Variants in PPP5C observed in about 807,000 individuals in gnomAD.
The protein encoded by PPP5C is serine/threonine-protein phosphatase 5.
In PPP5C, 21 loss-of-function variants were observed where a neutral mutation model predicts 66.7. That is an observed-to-expected ratio of 0.31 (90% CI 0.22 to 0.45). The LOEUF (loss-of-function observed/expected upper bound fraction) is 0.45. PPP5C is among the 20% of genes least tolerant of loss of function. PPP5C has a pLI of 1.00. For synonymous variants in PPP5C, 246 were observed against 257.4 expected, an observed-to-expected ratio of 0.96 and a Z score of 0.43; for missense variants, 464 against 675.9, an observed-to-expected ratio of 0.69 and a Z score of 3.48.
rs111227373 is a variant in PPP5C at position 46,352,488 on chromosome 19, G to T, written c.122-1260G>T. On this transcript the variant is annotated intron_variant, in intron 1 of 12. Transcript: ENST00000012443. ...CCCAGAGGTCACCATGGCATGGGGC[G>T]TGAGAGTGGGAGCCTTTTGGTCTTG... Among the ~76,000 whole-genome samples, 15 of 152,284 alleles carry T rather than the reference G, an allele frequency of 9.9e-5. 1 individual carries two copies. Among genetic ancestry groups the T allele is most frequent in the African/African-American group, 3.6e-4 (15 of 41,550 alleles).
chr19:46,363,622 G>T (rs1463979102), intron 2 of PPP5C, among the ~76,000 whole-genome samples: 1 of 151,708 alleles, frequency 6.6e-6, no homozygotes, highest in Non-Finnish European at 1.5e-5. Flanking sequence ...GTAGAGATGG[G>T]GTTTCACCAT....
intron 2 of PPP5C, among the ~76,000 whole-genome samples, chr19:46,375,077 T>C (rs573904355): frequency 4.6e-5 from 7 of 152,316 alleles, no homozygotes; most frequent in Non-Finnish European, 8.8e-5. Flanking sequence ...GTGTTACTTA[T>C]TCCTTCCCAC....
chr19:46,354,020 C>A, intron 2 of PPP5C, 31 bp downstream of exon 2: 1 of 1,606,006 alleles, frequency 6.2e-7, no homozygotes, highest in South Asian at 1.1e-5. Context: ...GGCCTGGCAC[C>A]TGAGCCAGGC....
intron 2 of PPP5C, among the ~76,000 whole-genome samples, chr19:46,365,075 T>G (rs1972467702): frequency 6.6e-6 from 1 of 152,198 alleles, no homozygotes; most frequent in South Asian, 2.1e-4. Context: ...CTCCGCCTCC[T>G]GGGTTCAAGC....
chr19:46,376,519 A>C lies in PPP5C; in HGVS notation c.578A>C (p.Glu193Ala). The C allele has an allele frequency of 6.2e-7, 1 of 1,613,942 alleles. No individual in the cohort carries two copies. The highest frequency in any genetic ancestry group is 8.5e-7 in the Non-Finnish European group (1 of 1,179,940). The change falls in exon 4 of 13, where the codon GAG (glutamate) becomes GCG (alanine). Residue 193 changes from glutamate to alanine, a missense_variant. By Grantham distance (107) the Glu-to-Ala change is moderately radical. This residue lies in a region of PPP5C where 387 missense variants were observed against 626.0 expected (regional missense o/e 0.62). Coordinates refer to ENST00000012443, the MANE Select transcript of PPP5C (RefSeq NM_006247.4). The surrounding 1 kb of genome is among the most constrained non-coding windows in gnomAD (Gnocchi z 5.1). Reference sequence around the variant, plus strand: ...AAAGTGACAATCAGTTTCATGAAGGAGCTCATGCAGTGGTACAAGGACCAG... The same window carrying C: ...AAAGTGACAATCAGTTTCATGAAGGCGCTCATGCAGTGGTACAAGGACCAG... ...DGKVTISFMK[E>A]LMQWYKDQKK...
intron 2 of PPP5C, among the ~76,000 whole-genome samples, chr19:46,361,199 C>T (rs1477721439): frequency 7.1e-6 from 1 of 141,150 alleles, no homozygotes; most frequent in East Asian, 2.2e-4. Context: ...GTGCAATCTC[C>T]ACTCGCTGCA....
chr19:46,383,351 G>C lies in PPP5C; in HGVS notation c.634-60G>C, dbSNP rs777987521. 8.9e-6 allele frequency: 14 copies of C among 1,581,690 alleles called. No individual in the cohort carries two copies. The highest frequency in any genetic ancestry group is 1.2e-5 in the Non-Finnish European group (14 of 1,164,734). ...CGTCTCATGGGCAGTCCAGGCTTTC[G>C]GGGCCAGGTTGGGCAGCAGCCCCTG... On this transcript the variant is annotated intron_variant, in intron 4 of 12. Transcript: ENST00000012443. The surrounding 1 kb of genome is among the most constrained non-coding windows in gnomAD (Gnocchi z 5.0).
Position 46,383,217 on chromosome 19 carries a change from A to G in PPP5C, c.634-194A>G, listed in dbSNP as rs1360495839. On this transcript the variant is annotated intron_variant, in intron 4 of 12. Coordinates refer to ENST00000012443, the MANE Select transcript of PPP5C (RefSeq NM_006247.4). The surrounding 1 kb of genome is among the most constrained non-coding windows in gnomAD (Gnocchi z 5.0). ...CAATCGCAATGCTTCGGCACTGCAC[A>G]GGCCACAGAAGCCTGCGGCTGCCTC... 6.5e-7 allele frequency: 1 copy of G among 1,534,966 alleles called. No individual in the cohort carries two copies. The highest frequency in any genetic ancestry group is 8.7e-7 in the Non-Finnish European group (1 of 1,143,876).
chr19:46,375,025 G>A (rs1038968087), intron 2 of PPP5C, among the ~76,000 whole-genome samples: 2 of 152,182 alleles, frequency 1.3e-5, no homozygotes, highest in South Asian at 2.1e-4. Context: ...AACAGCACTC[G>A]GTGCTGCTGC....
In PPP5C at chr19:46,383,133, T is replaced by C. The variant is rs1972821782; in HGVS notation, c.634-278T>C. ...GTTCTACGATCTGGATTCATGCATG[T>C]ATTTCCACTTGATGCTGAGTATTTT... On this transcript the variant is annotated intron_variant, in intron 4 of 12. Transcript: ENST00000012443. The surrounding 1 kb of genome is among the most constrained non-coding windows in gnomAD (Gnocchi z 5.0). The C allele has an allele frequency of 7.3e-7, 1 of 1,371,612 alleles. No individual in the cohort carries two copies. Among genetic ancestry groups the C allele is most frequent in the East Asian group, 3.2e-5 (1 of 31,066 alleles). The allele number at this position is 1,371,612 out of a possible 1,614,324, so 85.0% of individuals were successfully genotyped here.
chr19:46,365,724 C>T (rs1047566781), intron 2 of PPP5C, among the ~76,000 whole-genome samples: 4 of 152,216 alleles, frequency 2.6e-5, no homozygotes, highest in African/African-American at 9.6e-5. Flanking sequence ...TCTGCAAAGT[C>T]TCTGGTTGCC....
At chr19:46,379,488 A>G (rs1241765549) in intron 4 of PPP5C, among the ~76,000 whole-genome samples, 3 of 152,226 alleles carry the variant, frequency 2.0e-5, no homozygotes, top group Admixed American at 2.0e-4. Flanking sequence ...ATTCCCAGCC[A>G]ATCTTTACCT....
At position 46,383,562 on chromosome 19, in the gene PPP5C, A is replaced by G; in HGVS notation, c.699+86A>G. The stretch of plus-strand genomic sequence containing the variant: ...GGCCACAGAGCTCAGGAACTCACGG[A>G]TCCACCTCCCTCTCTCCCTCACACC... On this transcript the variant is annotated intron_variant, in intron 5 of 12. Coordinates refer to ENST00000012443, the MANE Select transcript of PPP5C (RefSeq NM_006247.4). The surrounding 1 kb of genome is among the most constrained non-coding windows in gnomAD (Gnocchi z 5.0). The G allele has an allele frequency of 7.4e-7, 1 of 1,354,070 alleles. No individual in the cohort carries two copies. Among genetic ancestry groups the G allele is most frequent in the Non-Finnish European group, 1.0e-6 (1 of 984,904 alleles). The allele number at this position is 1,354,070 out of a possible 1,614,324, so 83.9% of individuals were successfully genotyped here.
chr19:46,368,890 T>G (rs561265966), intron 2 of PPP5C, among the ~76,000 whole-genome samples: 1 of 152,338 alleles, frequency 6.6e-6, no homozygotes, highest in Non-Finnish European at 1.5e-5. Flanking sequence ...AGACATTATT[T>G]TGCTCTTGTT....
At chr19:46,348,810 C>G (rs971306875) in intron 1 of PPP5C, among the ~76,000 whole-genome samples, 1 of 152,034 alleles carries the variant, frequency 6.6e-6, no homozygotes, top group Non-Finnish European at 1.5e-5. Context: ...GGAAAGGTGT[C>G]GGGAAGGCTG....
At chr19:46,363,307 CAAAA>C (rs1158423038) in intron 2 of PPP5C, among the ~76,000 whole-genome samples, 109 of 27,920 alleles carry the variant, frequency 3.9e-3, no homozygotes, top group African/African-American at 0.013. Flanking sequence ...GACTCCATCT[CAAAA>C]AAAAAAAAAA....
intron 4 of PPP5C, chr19:46,382,181 G>A (rs1972803495): frequency 6.6e-6 from 1 of 152,220 alleles, no homozygotes. Flanking sequence ...GCTCCCTGGA[G>A]TCCTCATCTG....
In PPP5C at chr19:46,388,667, G is replaced by A; in HGVS notation, c.1291G>A (p.Ala431Thr). 6.2e-7 allele frequency: 1 copy of A among 1,614,182 alleles called. No individual in the cohort carries two copies. Among genetic ancestry groups the A allele is most frequent in the Non-Finnish European group, 8.5e-7 (1 of 1,180,030 alleles). Residue 431 changes from alanine to threonine, a missense_variant, in exon 11 of 13, where the codon GCC (alanine) becomes ACC (threonine). Physicochemically the swap from Ala to Thr is moderately conservative, Grantham distance 58. This residue lies in a region of PPP5C where 387 missense variants were observed against 626.0 expected (regional missense o/e 0.62). Transcript: ENST00000012443. The surrounding 1 kb of genome is among the most constrained non-coding windows in gnomAD (Gnocchi z 4.9). ...DYIIRSHEVK[A>T]EGYEVAHGGR... ...TATCATCCGCAGCCACGAAGTCAAG[G>A]CCGAGGGCTACGAGGTGGCTCACGG...
At position 46,390,853 on chromosome 19, in the gene PPP5C, G is replaced by A; in HGVS notation, c.*507G>A. 1 of 1,133,056 alleles carries A rather than the reference G, an allele frequency of 8.8e-7. No individual in the cohort carries two copies. Among genetic ancestry groups the A allele is most frequent in the Non-Finnish European group, 1.1e-6 (1 of 910,344 alleles). The allele number at this position is 1,133,056 out of a possible 1,614,324, so 70.2% of individuals were successfully genotyped here. A position where few individuals can be genotyped will look rare whatever the true frequency, so the allele number is the denominator to read the frequency against. On this transcript the variant is annotated 3_prime_UTR_variant, in exon 13 of 13. Transcript: ENST00000012443. ...AAAATAAAGTCATTATCGGAAGTCAGCTTGTCTCTGGATGGTGGAGCCGAA... is the reference window on the plus strand; with the variant it reads ...AAAATAAAGTCATTATCGGAAGTCAACTTGTCTCTGGATGGTGGAGCCGAA...
Sources: gnomAD v4.1 joint callset for allele counts (sites outside exome capture counted in the v4.1 genomes callset) on GRCh38, gnomAD v4.1.1 for gene constraint, gnomAD v4.1.1 regional missense constraint, Gnocchi (gnomAD v3.1) non-coding constraint, MANE v1.5 for transcripts, NCBI Gene and HGNC (gene_info 2026-07-23, HGNC 2026-07-21) for gene names.